The following PHF12 variants were observed in gnomAD, a reference collection of about 807,000 sequenced individuals.
The protein encoded by PHF12 is PHD factor 1.
A neutral mutation model predicts 99.8 loss-of-function variants in PHF12; 6 were observed. The ratio of observed to expected loss-of-function variants is 0.06; its 90% CI spans 0.03 to 0.12. The LOEUF (loss-of-function observed/expected upper bound fraction) is 0.12, where lower values mean the gene tolerates loss of function less well. Ranked by LOEUF, PHF12 falls within the 10% of genes least tolerant of loss-of-function variation. The pLI is 1.00. For missense variants in PHF12, 954 were observed against 1,300.1 expected (o/e 0.73, Z 4.09); for synonymous variants, 480 against 514.9 (o/e 0.93, Z 0.92).
rs917144229 is a variant in PHF12, at chr17:28,951,169, C to T, written c.-209G>A. 7.0e-7 allele frequency: 1 copy of T among 1,423,422 alleles called. No individual in the cohort carries two copies. Among genetic ancestry groups the T allele is most frequent in the African/African-American group, 1.5e-5 (1 of 68,726 alleles). 88.2% of individuals were successfully genotyped at this position (1,423,422 alleles called of 1,614,324 possible). A position where few individuals can be genotyped will look rare whatever the true frequency, so the allele number is the denominator to read the frequency against. On this transcript the variant is annotated 5_prime_UTR_variant, in exon 1 of 15. Transcript: ENST00000332830. ...CCGACGGGCCGCGAGGGGGGAGCGG[C>T]CCCTCAGTCCCGGCCCGGCTGCTGG...
chr17:28,912,399 G>T, intron 9 of PHF12, 83 bp downstream of exon 9: 2 of 1,493,728 alleles, frequency 1.3e-6, no homozygotes, highest in East Asian at 2.3e-5. Context: ...AGTATTCACA[G>T]GGATATAAGT....
At chr17:28,942,298 T>A (rs763631970) in intron 2 of PHF12, among the ~76,000 whole-genome samples, 3 of 152,046 alleles carry the variant, frequency 2.0e-5, no homozygotes, top group Non-Finnish European at 4.4e-5. Flanking sequence ...GAGGATCGGT[T>A]GAGGCCAGGA....
chr17:28,906,675 C>T lies in PHF12; in HGVS notation c.2681-158G>A. ...GGGTTGGTGGAGTCTGAAGTCCCCA[C>T]AGGTGTGTACACACATGGGGGTACT... On this transcript the variant is annotated intron_variant, in intron 14 of 14. Coordinates refer to ENST00000332830, the MANE Select transcript of PHF12 (RefSeq NM_001033561.2). The surrounding 1 kb of genome is among the most constrained non-coding windows in gnomAD (Gnocchi z 4.2). The T allele has an allele frequency of 8.4e-7, 1 of 1,191,222 alleles. No homozygotes were observed. Among genetic ancestry groups the T allele is most frequent in the Non-Finnish European group, 1.2e-6 (1 of 859,008 alleles). The allele number at this position is 1,191,222 out of a possible 1,614,324, so 73.8% of individuals were successfully genotyped here. A position where few individuals can be genotyped will look rare whatever the true frequency, so the allele number is the denominator to read the frequency against.
chr17:28,946,770 T>C (rs946257480), intron 2 of PHF12, among the ~76,000 whole-genome samples: 16 of 152,206 alleles, frequency 1.1e-4, no homozygotes, highest in African/African-American at 3.9e-4. Context: ...ACTCCTGGCC[T>C]CAGGCGATCC....
At chr17:28,911,330 C>G in intron 9 of PHF12, 93 bp from the exon 10 acceptor site, 1 of 1,524,582 alleles carries the variant, frequency 6.6e-7, no homozygotes, top group Non-Finnish European at 8.9e-7. Context: ...GATTTCGGAC[C>G]CAAGGTGATG....
chr17:28,912,809 G>A lies in PHF12; in HGVS notation c.1762C>T (p.Pro588Ser), dbSNP rs1431034234. 4 of 1,608,708 alleles carry A rather than the reference G, an allele frequency of 2.5e-6. No individual in the cohort carries two copies. Among genetic ancestry groups the A allele is most frequent in the African/African-American group, 1.3e-5 (1 of 74,736 alleles). The change falls in exon 9 of 15, where the codon CCA becomes TCA. Residue 588 changes from proline to serine, a missense_variant. Around this residue, in one of 8 missense-constraint regions of PHF12, gnomAD observed 392 missense variants for 423.1 expected, o/e 0.93. Transcript: ENST00000332830. ...RQGWPRPLTP[P>S]AAGGLQNHTV... Reference sequence around the variant, plus strand: ...TGGTTCTGAAGGCCCCCAGCCGCTGGTGGCGTGAGGGGCCGGGGCCAGCCT... The same window carrying A: ...TGGTTCTGAAGGCCCCCAGCCGCTGATGGCGTGAGGGGCCGGGGCCAGCCT...
chr17:28,943,815 T>C (rs2040668638), intron 2 of PHF12, among the ~76,000 whole-genome samples: 1 of 152,170 alleles, frequency 6.6e-6, no homozygotes, highest in African/African-American at 2.4e-5. Flanking sequence ...TAAAAAGCAA[T>C]GTAAGTATTG....
chr17:28,906,085 G>A lies in PHF12; in HGVS notation c.*98C>T, dbSNP rs2039866292. ...AAAGATTGTAGTTGAAGGGTTTCTG[G>A]TAGAGTATAGAAAACACCCGGGCTT... On this transcript the variant is annotated 3_prime_UTR_variant, in exon 15 of 15. Transcript: ENST00000332830. This position sits in a 1 kb window ranked among gnomAD's most constrained non-coding sequence, Gnocchi z 4.2. 1 of 1,173,368 alleles carries A rather than the reference G, an allele frequency of 8.5e-7. No homozygotes were observed. Among genetic ancestry groups the A allele is most frequent in the East Asian group, 2.5e-5 (1 of 39,430 alleles). The allele number at this position is 1,173,368 out of a possible 1,614,324, so 72.7% of individuals were successfully genotyped here. A position where few individuals can be genotyped will look rare whatever the true frequency, so the allele number is the denominator to read the frequency against.
chr17:28,925,660 T>C (rs2040258297), intron 3 of PHF12: 1 of 152,228 alleles, frequency 6.6e-6, no homozygotes, highest in Admixed American at 6.5e-5. Context: ...ATGAGAGAAT[T>C]TGGTTCAAAC....
At chr17:28,940,350 G>A (rs1372973604) in intron 2 of PHF12, among the ~76,000 whole-genome samples, 1 of 152,254 alleles carries the variant, frequency 6.6e-6, no homozygotes, top group Non-Finnish European at 1.5e-5. Flanking sequence ...CATTTATGTA[G>A]TACGATTGTA....
intron 2 of PHF12, among the ~76,000 whole-genome samples, chr17:28,937,318 A>G (rs2040528382): frequency 1.3e-5 from 2 of 152,084 alleles, no homozygotes; most frequent in African/African-American, 4.8e-5. Context: ...ATATTGAAGG[A>G]TATTAAAGAG....
chr17:28,921,946 T>A (rs768659961), intron 4 of PHF12, 138 bp from the exon 5 acceptor site: 14 of 1,178,252 alleles, frequency 1.2e-5, no homozygotes, highest in Non-Finnish European at 1.5e-5. Context: ...CTGAGGCCCC[T>A]GGGGTTGATT....
In PHF12 at chr17:28,951,012, G is replaced by C. The variant is rs1274582200; in HGVS notation, c.-52C>G. On this transcript the variant is annotated 5_prime_UTR_variant, in exon 1 of 15. Transcript: ENST00000332830. ...TCTGCTCCGGCCCCCCCAACCCCGG[G>C]GGGAGGGGGGAGGTGAGGGGAGGGG... 6.2e-7 allele frequency: 1 copy of C among 1,610,492 alleles called. No homozygotes were observed. The highest frequency in any genetic ancestry group is 8.5e-7 in the Non-Finnish European group (1 of 1,178,070).
intron 2 of PHF12, among the ~76,000 whole-genome samples, chr17:28,930,727 T>C (rs772549364): frequency 6.6e-6 from 1 of 152,188 alleles, no homozygotes; most frequent in African/African-American, 2.4e-5. Context: ...CTCTCAGAAG[T>C]AGCATCTTGC....
chr17:28,921,350 A>G lies in PHF12; in HGVS notation c.836+338T>C, dbSNP rs564674297. ...GTTCATTAAAAAAATTTTTTTTTGT[A>G]GAGACAAGGTTTCACTGTGTTGCCC... On this transcript the variant is annotated intron_variant, in intron 5 of 14. Transcript: ENST00000332830. Among the ~76,000 whole-genome samples the G allele has an allele frequency of 5.3e-5, 8 of 151,826 alleles. No individual in the cohort carries two copies. The South Asian group carries it at 1.0e-3, about 20-fold the overall frequency.
chr17:28,906,309 G>A lies in PHF12; in HGVS notation c.2889C>T (p.Ser963=). The A allele has an allele frequency of 6.2e-7, 1 of 1,614,228 alleles. No homozygotes were observed. The highest frequency in any genetic ancestry group is 2.2e-5 in the East Asian group (1 of 44,882). The stretch of plus-strand genomic sequence containing the variant: ...GCTGTTTGGTCGCAAACTCAGTGAT[G>A]CTGAAGACAAACTGCAGGCAGCCCA... ...IKLGCLQFVF[S]ITEFATKQPK... Residue 963 remains serine (S), a synonymous_variant, in exon 15 of 15, where the codon AGC becomes AGT. Transcript: ENST00000332830. The surrounding 1 kb of genome is among the most constrained non-coding windows in gnomAD (Gnocchi z 4.2).
rs2040803551 is a variant in PHF12, at chr17:28,951,098, T to C, written c.-138A>G. 2.1e-6 allele frequency: 3 copies of C among 1,447,618 alleles called. No individual in the cohort carries two copies. The highest frequency in any genetic ancestry group is 1.4e-5 in the South Asian group (1 of 71,738). 89.7% of individuals were successfully genotyped at this position (1,447,618 alleles called of 1,614,324 possible). A position where few individuals can be genotyped will look rare whatever the true frequency, so the allele number is the denominator to read the frequency against. The stretch of plus-strand genomic sequence containing the variant: ...CGGGTCCCGACTTCCTCGCCCTGGC[T>C]CCCCCCCACCCCCCGGCCCCCAGTC... On this transcript the variant is annotated 5_prime_UTR_variant, in exon 1 of 15. Transcript: ENST00000332830.
chr17:28,932,288 C>T (rs9889772), intron 2 of PHF12, among the ~76,000 whole-genome samples: 2,280 of 152,204 alleles, frequency 0.015, 53 homozygotes, highest in African/African-American at 0.049. Context: ...CATACCACTA[C>T]GCTGGGCTAA....
At position 28,906,897 on chromosome 17, in the gene PHF12, G is replaced by C. The variant is rs540819485; in HGVS notation, c.2639C>G (p.Thr880Ser). The C allele has an allele frequency of 2.5e-6, 4 of 1,612,664 alleles. No homozygotes were observed. The highest frequency in any genetic ancestry group is 2.2e-5 in the East Asian group (1 of 44,842). Residue 880 changes from threonine (T) to serine (S), a missense_variant, in exon 14 of 15, where the codon ACC becomes AGC. Thr to Ser is a moderately conservative substitution (Grantham distance 58, BLOSUM62 1). This residue lies in a region of PHF12 where 136 missense variants were observed against 172.3 expected (regional missense o/e 0.79). Coordinates refer to ENST00000332830, the MANE Select transcript of PHF12 (RefSeq NM_001033561.2). The surrounding 1 kb of genome is among the most constrained non-coding windows in gnomAD (Gnocchi z 4.2). ...SCDFSEKTPPTPPSSIVAKVQ... is the reference protein window; with the variant it reads ...SCDFSEKTPPSPPSSIVAKVQ... ...TTTGGCAACAATACTGCTTGGGGGGGTTGGCGGGGTCTTCTCCGAGAAGTC... is the reference window on the plus strand; with the variant it reads ...TTTGGCAACAATACTGCTTGGGGGGCTTGGCGGGGTCTTCTCCGAGAAGTC...
Sources: gnomAD v4.1 joint callset for allele counts (sites outside exome capture counted in the v4.1 genomes callset) on GRCh38, gnomAD v4.1.1 for gene constraint, gnomAD v4.1.1 regional missense constraint, Gnocchi (gnomAD v3.1) non-coding constraint, MANE v1.5 for transcripts, NCBI Gene and HGNC (gene_info 2026-07-23, HGNC 2026-07-21) for gene names.